PLEKHM3: variants seen among roughly 807,000 people sequenced by gnomAD.
PLEKHM3 encodes the protein pleckstrin homology domain-containing family M member 3.
In PLEKHM3, 45 loss-of-function variants were observed where a neutral mutation model predicts 81.8. That is an observed-to-expected ratio of 0.55 (90% CI 0.43 to 0.71). PLEKHM3 has a LOEUF of 0.71. Ranked by LOEUF, PLEKHM3 falls within the 30% of genes least tolerant of loss-of-function variation. The probability of loss-of-function intolerance (pLI) is 0.00; values close to 1 mark genes in which losing one functional copy is unlikely to be tolerated. For synonymous variants in PLEKHM3, 352 were observed against 356.4 expected, an observed-to-expected ratio of 0.99 and a Z score of 0.14; for missense variants, 788 against 924.3, an observed-to-expected ratio of 0.85 and a Z score of 1.91.
intron 6 of PLEKHM3, among the ~76,000 whole-genome samples, chr2:207,871,543 T>TA (rs1559215259): frequency 2.8e-4 from 42 of 152,260 alleles, no homozygotes; most frequent in African/African-American, 9.9e-4. Flanking sequence ...AATAAAAGAT[T>TA]TAAAAAATTT....
intron 6 of PLEKHM3, among the ~76,000 whole-genome samples, chr2:207,866,314 C>T (rs955921560): frequency 6.6e-6 from 1 of 152,080 alleles, no homozygotes; most frequent in African/African-American, 2.4e-5. Flanking sequence ...AGCCACCATG[C>T]CCAGCTAATT....
At chr2:207,968,173 T>C (rs577732938) in intron 3 of PLEKHM3, among the ~76,000 whole-genome samples, 12 of 152,170 alleles carry the variant, frequency 7.9e-5, no homozygotes, top group Non-Finnish European at 8.8e-5. Flanking sequence ...CCTACTTCTC[T>C]AGTATTCCTC....
At chr2:207,999,778 C>T (rs1258392461) in intron 2 of PLEKHM3, among the ~76,000 whole-genome samples, 2 of 152,214 alleles carry the variant, frequency 1.3e-5, no homozygotes, top group Non-Finnish European at 2.9e-5. Flanking sequence ...TTCAGGAACA[C>T]TGCATTTGCT....
intron 5 of PLEKHM3, among the ~76,000 whole-genome samples, chr2:207,916,122 G>C (rs1688985466): frequency 6.6e-6 from 1 of 152,102 alleles, no homozygotes; most frequent in South Asian, 2.1e-4. Flanking sequence ...CACTTCTCTA[G>C]GTACCTCATT....
At chr2:207,881,334 G>T (rs537520453) in intron 6 of PLEKHM3, among the ~76,000 whole-genome samples, 5 of 152,288 alleles carry the variant, frequency 3.3e-5, no homozygotes, top group African/African-American at 1.2e-4. Flanking sequence ...GAATAAGCTG[G>T]ATGTGTAACA....
chr2:208,019,130 A>C (rs974074919), intron 1 of PLEKHM3, among the ~76,000 whole-genome samples: 9 of 125,482 alleles, frequency 7.2e-5, no homozygotes, highest in Admixed American at 6.2e-4. Flanking sequence ...TGAGACCCCC[A>C]TCTCTACAAA....
Position 207,993,713 on chromosome 2 carries a change from C to T in PLEKHM3, c.610+7317G>A, listed in dbSNP as rs539288253. On this transcript the variant is annotated intron_variant, in intron 2 of 7. Transcript: ENST00000427836. ...GAGTGAAACCGACGGAAACAAAAGC[C>T]CAGTTGACCACTGCCCTTGCCAAGC... Among the ~76,000 whole-genome samples the T allele has an allele frequency of 5.7e-4, 86 of 152,028 alleles. 1 individual carries two copies. The highest frequency in any genetic ancestry group is 2.0e-3 in the African/African-American group (82 of 41,414).
chr2:207,921,645 T>C (rs1689186657), intron 5 of PLEKHM3, among the ~76,000 whole-genome samples: 1 of 152,158 alleles, frequency 6.6e-6, no homozygotes, highest in Non-Finnish European at 1.5e-5. Flanking sequence ...TAACCCAACC[T>C]CTCCCTAACC....
intron 5 of PLEKHM3, among the ~76,000 whole-genome samples, chr2:207,923,899 ATATATATTT>A (rs1442261869): frequency 8.5e-5 from 7 of 82,586 alleles, no homozygotes; most frequent in African/African-American, 3.4e-4. Flanking sequence ...ATATATATAT[ATATATATTT>A]TTTTTTTTTT....
chr2:207,908,634 T>C (rs1688703779), intron 5 of PLEKHM3, 57 bp from the exon 6 acceptor site: 1 of 1,470,110 alleles, frequency 6.8e-7, no homozygotes. Flanking sequence ...CACACATTTT[T>C]CTGATAAGTT....
intron 3 of PLEKHM3, among the ~76,000 whole-genome samples, chr2:207,968,933 T>C (rs1238789369): frequency 6.6e-6 from 1 of 152,196 alleles, no homozygotes; most frequent in Non-Finnish European, 1.5e-5. Context: ...TTTTCCTTCA[T>C]TGTCTTTTCC....
intron 5 of PLEKHM3, among the ~76,000 whole-genome samples, chr2:207,913,579 G>A (rs1688880065): frequency 6.6e-6 from 1 of 152,142 alleles, no homozygotes; most frequent in Non-Finnish European, 1.5e-5. Flanking sequence ...ATCCATCAGT[G>A]ACCTCAGACT....
chr2:207,910,720 T>C (rs1315407589), intron 5 of PLEKHM3, among the ~76,000 whole-genome samples: 1 of 152,106 alleles, frequency 6.6e-6, no homozygotes, highest in African/African-American at 2.4e-5. Context: ...GGTAGCAGTA[T>C]AGAGCCACTG....
intron 4 of PLEKHM3, among the ~76,000 whole-genome samples, chr2:207,943,178 G>C (rs756609552): frequency 4.6e-5 from 7 of 152,164 alleles, no homozygotes; most frequent in Non-Finnish European, 8.8e-5. Flanking sequence ...AGCTAGAAGA[G>C]AACATTTTGA....
intron 1 of PLEKHM3, among the ~76,000 whole-genome samples, chr2:208,005,626 A>T (rs1300244233): frequency 6.6e-6 from 1 of 152,200 alleles, no homozygotes; most frequent in Non-Finnish European, 1.5e-5. Context: ...GTTAACCTTG[A>T]TCACCTGGCT....
intron 6 of PLEKHM3, among the ~76,000 whole-genome samples, chr2:207,874,626 C>A (rs1215513598): frequency 6.6e-6 from 1 of 151,320 alleles, no homozygotes; most frequent in African/African-American, 2.4e-5. Context: ...GAATCTTGCT[C>A]TGTCGCCCAG....
At chr2:207,907,357 C>G (rs1282115908) in intron 6 of PLEKHM3, among the ~76,000 whole-genome samples, 1 of 151,976 alleles carries the variant, frequency 6.6e-6, no homozygotes, top group African/African-American at 2.4e-5. Flanking sequence ...CAAAAATTAG[C>G]TGGGCATGGT....
chr2:207,939,307 GA>G lies in PLEKHM3; in HGVS notation c.1692+7059del, dbSNP rs764349313. Among the ~76,000 whole-genome samples the G allele has an allele frequency of 1.5e-3, 230 of 152,300 alleles. 1 individual carries two copies. Among genetic ancestry groups the G allele is most frequent in the Admixed American group, 7.4e-3 (113 of 15,294 alleles). ...ATAATTTTGTCTGGTAGAGAGGAAA[GA>G]AACAATCAGGAGAGGAAAAGAGGTT... On this transcript the variant is annotated intron_variant, in intron 4 of 7. Coordinates refer to ENST00000427836, the MANE Select transcript of PLEKHM3 (RefSeq NM_001080475.3).
intron 2 of PLEKHM3, among the ~76,000 whole-genome samples, chr2:207,987,322 A>G (rs1329191991): frequency 6.6e-6 from 1 of 152,138 alleles, no homozygotes; most frequent in Non-Finnish European, 1.5e-5. Context: ...TACAACCTCT[A>G]GGTTTCAAGA....
Sources: gnomAD v4.1 joint callset for allele counts (sites outside exome capture counted in the v4.1 genomes callset) on GRCh38, gnomAD v4.1.1 for gene constraint, MANE v1.5 for transcripts, NCBI Gene and HGNC (gene_info 2026-07-23, HGNC 2026-07-21) for gene names.